RNF17: variants seen among roughly 807,000 people sequenced by gnomAD.
The protein encoded by RNF17 is spermatogenesis associated 23.
Under a neutral mutation model 200.5 loss-of-function variants are expected in RNF17, and 31 were observed. That is an observed-to-expected ratio of 0.15 (90% confidence interval 0.12 to 0.21). The LOEUF (loss-of-function observed/expected upper bound fraction) is 0.21, where lower values mean the gene tolerates loss of function less well. RNF17 is among the 10% of genes least tolerant of loss of function. The pLI, the probability that RNF17 is intolerant of heterozygous loss-of-function variation, is 1.00. For synonymous variants in RNF17, 606 were observed against 637.8 expected, an observed-to-expected ratio of 0.95 and a Z score of 0.75; for missense variants, 1,628 against 1,905.1, an observed-to-expected ratio of 0.85 and a Z score of 2.71.
chr13:24,845,743 T>C (rs1228206351), intron 22 of RNF17, among the ~76,000 whole-genome samples: 1 of 152,188 alleles, frequency 6.6e-6, no homozygotes, highest in Non-Finnish European at 1.5e-5. Context: ...GCAGTTCTTA[T>C]ATGAATGCAA....
In RNF17 at chr13:24,843,916, A is replaced by G; in HGVS notation, c.2776A>G (p.Ile926Val). The G allele has an allele frequency of 2.5e-6, 4 of 1,589,682 alleles. No individual in the cohort carries two copies. The highest frequency in any genetic ancestry group is 4.5e-5 in the East Asian group (2 of 44,562). Residue 926 changes from isoleucine (I) to valine (V), a missense_variant, in exon 20 of 36, where the codon ATA becomes GTA. This residue lies in a region of RNF17 where 227 missense variants were observed against 319.8 expected (regional missense o/e 0.71). Transcript: ENST00000255324. ...ATTGCCTGTGCATATCTGTAATGTA[A>G]TATCTCCTGAGAAGATTTATGTTCA... ...KELPVHICNVISPEKIYVQWL... is the reference protein window; with the variant it reads ...KELPVHICNVVSPEKIYVQWL...
intron 1 of RNF17, among the ~76,000 whole-genome samples, chr13:24,765,085 G>C (rs1399846015): frequency 6.6e-6 from 1 of 152,012 alleles, no homozygotes. Context: ...GCGCGATCTC[G>C]GCTCACTGCA....
intron 7 of RNF17, 58 bp from the exon 8 acceptor site, chr13:24,789,290 T>C (rs1296928756): frequency 9.0e-7 from 1 of 1,110,248 alleles, no homozygotes; most frequent in Non-Finnish European, 1.4e-6. Flanking sequence ...AAAATCTTAC[T>C]GTTCAGCAAT....
At chr13:24,887,080 C>G in the RNF17 span, among the ~76,000 whole-genome samples, 2 of 152,084 alleles carry the variant, frequency 1.3e-5, no homozygotes, top group African/African-American at 4.8e-5. Context: ...GCTGGAATAG[C>G]TGGGTAGATA....
At chr13:24,854,888 T>A (rs568198071) in intron 25 of RNF17, among the ~76,000 whole-genome samples, 1 of 152,322 alleles carries the variant, frequency 6.6e-6, no homozygotes, top group East Asian at 1.9e-4. Context: ...ACATACACAT[T>A]GCCCATGATA....
intron 24 of RNF17, among the ~76,000 whole-genome samples, chr13:24,852,417 T>G (rs758180049): frequency 6.6e-6 from 1 of 151,974 alleles, no homozygotes. Flanking sequence ...GGATTACAGG[T>G]GTGAGCCACC....
chr13:24,762,096 C>T (rs1401197832), upstream of RNF17, among the ~76,000 whole-genome samples: 1 of 152,102 alleles, frequency 6.6e-6, no homozygotes, highest in Non-Finnish European at 1.5e-5. Flanking sequence ...GGGCCGGACG[C>T]GGTGGCTCAC....
chr13:24,838,874 G>GT (rs2138095509), intron 18 of RNF17, among the ~76,000 whole-genome samples: 1 of 152,198 alleles, frequency 6.6e-6, no homozygotes, highest in African/African-American at 2.4e-5. Context: ...TAAAGAAAAA[G>GT]TTAAACTGTC....
the RNF17 span, among the ~76,000 whole-genome samples, chr13:24,749,321 T>TTTTTTTTTTTTTTTG: frequency 6.8e-6 from 1 of 146,942 alleles, no homozygotes. Flanking sequence ...TTTTTTTTTT[T>TTTTTTTTTTTTTTTG]TGAGACAGAG....
chr13:24,860,733 G>GT (rs905994062), intron 26 of RNF17, among the ~76,000 whole-genome samples: 32 of 151,396 alleles, frequency 2.1e-4, no homozygotes, highest in African/African-American at 6.5e-4. Flanking sequence ...ATAAAACCCA[G>GT]TTTTTTTTCA....
At chr13:24,853,615 A>G (rs1321819546) in intron 24 of RNF17, among the ~76,000 whole-genome samples, 4 of 152,216 alleles carry the variant, frequency 2.6e-5, no homozygotes, top group African/African-American at 9.6e-5. Context: ...TGAAATTTTA[A>G]GAGAGCATAG....
At chr13:24,760,870 T>C (rs1201399111), upstream of RNF17, among the ~76,000 whole-genome samples, 1 of 152,214 alleles carries the variant, frequency 6.6e-6, no homozygotes, top group East Asian at 1.9e-4. Context: ...TATGAAAGCA[T>C]GCTCAATGTC....
intron 22 of RNF17, among the ~76,000 whole-genome samples, chr13:24,848,578 G>T (rs1304476085): frequency 3.3e-5 from 5 of 152,090 alleles, no homozygotes; most frequent in Non-Finnish European, 5.9e-5. Context: ...AGGGAGAATT[G>T]CTTGAACCTA....
chr13:24,779,550 T>C (rs1255921892), intron 4 of RNF17, 117 bp from the exon 5 acceptor site: 2 of 651,898 alleles, frequency 3.1e-6, no homozygotes, highest in Non-Finnish European at 5.3e-6. Context: ...CTGTAGTGAG[T>C]CTATGTTGCT....
At chr13:24,776,141 C>T (rs371519600) in intron 3 of RNF17, among the ~76,000 whole-genome samples, 1 of 152,134 alleles carries the variant, frequency 6.6e-6, no homozygotes, top group African/African-American at 2.4e-5. Flanking sequence ...CACTCTAGTT[C>T]CTTCTATTAC....
downstream of RNF17, chr13:24,882,832 T>G (rs1172313152): frequency 6.5e-6 from 2 of 306,294 alleles, no homozygotes; most frequent in East Asian, 1.7e-4. Context: ...ACGGCTGATG[T>G]GTCTGTGGGA....
At chr13:24,883,216 C>CTT (rs776108544), downstream of RNF17, 28 of 1,613,926 alleles carry the variant, frequency 1.7e-5, no homozygotes, top group Non-Finnish European at 5.1e-6. Context: ...CCTCCTTGTC[C>CTT]TTAACTCTTA....
At chr13:24,759,079 C>CAAAAAAAA in the RNF17 span, among the ~76,000 whole-genome samples, 2 of 65,362 alleles carry the variant, frequency 3.1e-5, no homozygotes, top group Non-Finnish European at 5.4e-5. Flanking sequence ...ACTGTGTCTC[C>CAAAAAAAA]AAAAAAAAAA....
downstream of RNF17, among the ~76,000 whole-genome samples, chr13:24,881,187 C>T (rs1457490234): frequency 1.3e-5 from 2 of 151,800 alleles, no homozygotes; most frequent in Non-Finnish European, 2.9e-5. Flanking sequence ...CAGAGTCCCA[C>T]TCAGGCTGGA....
Sources: gnomAD v4.1 joint callset for allele counts (sites outside exome capture counted in the v4.1 genomes callset) on GRCh38, gnomAD v4.1.1 for gene constraint, gnomAD v4.1.1 regional missense constraint, MANE v1.5 for transcripts, NCBI Gene and HGNC (gene_info 2026-07-23, HGNC 2026-07-21) for gene names.